MARCHF2: variants seen among roughly 807,000 people sequenced by gnomAD.
MARCHF2 encodes the protein membrane associated ring-CH-type finger 2.
Under a neutral mutation model 24.0 loss-of-function variants are expected in MARCHF2, and 22 were observed. The ratio of observed to expected loss-of-function variants is 0.92; its 90% CI spans 0.66 to 1.31. The LOEUF (loss-of-function observed/expected upper bound fraction) is 1.31, where lower values mean the gene tolerates loss of function less well. Among genes scored for constraint, MARCHF2 ranks in the 50% most tolerant of loss-of-function variants. The probability of loss-of-function intolerance (pLI) is 0.00; values close to 1 mark genes in which losing one functional copy is unlikely to be tolerated. For missense variants in MARCHF2, 301 were observed against 335.3 expected (o/e 0.90, Z 0.80); for synonymous variants, 154 against 153.0 (o/e 1.01, Z -0.05).
Position 8,438,705 on chromosome 19 carries a change from A to T in MARCHF2, c.*159A>T. 4.9e-6 allele frequency: 3 copies of T among 618,078 alleles called. No homozygotes were observed. Among genetic ancestry groups the T allele is most frequent in the Non-Finnish European group, 8.1e-6 (3 of 368,806 alleles). 38.3% of individuals were successfully genotyped at this position (618,078 alleles called of 1,614,324 possible). On this transcript the variant is annotated 3_prime_UTR_variant, in exon 5 of 5. Transcript: ENST00000215555. ...GACACCATGCAGAGCCTAGTCTGTG[A>T]TCCTGTGTGAAGATATTTTCAGGGT... is the stretch of plus-strand genomic sequence containing the variant.
intron 3 of MARCHF2, among the ~76,000 whole-genome samples, chr19:8,428,437 G>C (rs151294303): frequency 6.6e-6 from 1 of 151,104 alleles, no homozygotes; most frequent in Non-Finnish European, 1.5e-5. Context: ...GCAGTGAGCT[G>C]AGACTAAGCC....
intron 4 of MARCHF2, among the ~76,000 whole-genome samples, chr19:8,433,675 C>CAAAAAAAAAAAAAAA (rs143853447): frequency 1.1e-5 from 1 of 90,698 alleles, no homozygotes; most frequent in Non-Finnish European, 2.2e-5. Context: ...GACTCCGTCT[C>CAAAAAAAAAAAAAAA]AAAAAAAAAA....
Position 8,430,986 on chromosome 19 carries a change from C to A in MARCHF2, c.582+119C>A. The A allele has an allele frequency of 2.0e-6, 2 of 1,025,350 alleles. No homozygotes were observed. Among genetic ancestry groups the A allele is most frequent in the Non-Finnish European group, 2.8e-6 (2 of 713,740 alleles). The allele number at this position is 1,025,350 out of a possible 1,614,324, so 63.5% of individuals were successfully genotyped here. A position where few individuals can be genotyped will look rare whatever the true frequency, so the allele number is the denominator to read the frequency against. Reference sequence around the variant, plus strand: ...CTCCCTGGCTGCCTCTGTCTATGGCCGTGGGTGGAAGAGAGCTTCTGAGGT... The same window carrying A: ...CTCCCTGGCTGCCTCTGTCTATGGCAGTGGGTGGAAGAGAGCTTCTGAGGT... On this transcript the variant is annotated intron_variant, in intron 4 of 4. Coordinates refer to ENST00000215555, the MANE Select transcript of MARCHF2 (RefSeq NM_001005415.2). The surrounding 1 kb of genome is among the most constrained non-coding windows in gnomAD (Gnocchi z 4.4).
intron 4 of MARCHF2, among the ~76,000 whole-genome samples, chr19:8,438,104 C>A (rs1967779064): frequency 6.6e-6 from 1 of 152,102 alleles, no homozygotes; most frequent in Non-Finnish European, 1.5e-5. Context: ...GAGGCTGTTT[C>A]ACTCCTTTCC....
At chr19:8,434,102 T>TG (rs1967652162) in intron 4 of MARCHF2, among the ~76,000 whole-genome samples, 1 of 126,922 alleles carries the variant, frequency 7.9e-6, no homozygotes, top group East Asian at 2.2e-4. Flanking sequence ...TTTTTTTTTT[T>TG]GAGACGGGGT....
chr19:8,438,066 T>C (rs1967777977), intron 4 of MARCHF2, among the ~76,000 whole-genome samples: 1 of 152,038 alleles, frequency 6.6e-6, no homozygotes, highest in Non-Finnish European at 1.5e-5. Flanking sequence ...TCGCCCGGCC[T>C]GATTGATTGA....
At chr19:8,438,315 A>C in intron 4 of MARCHF2, 73 bp from the exon 5 acceptor site, 1 of 1,518,142 alleles carries the variant, frequency 6.6e-7, no homozygotes, top group Non-Finnish European at 9.1e-7. Context: ...GGGCCAACGC[A>C]GGTGCCACCA....
rs202077510 is a variant in MARCHF2 at position 8,421,991 on chromosome 19, G to A, written c.151G>A (p.Val51Ile). ...TSRDGRLLST[V>I]IRALDTPSDG... ...AAGGGATGGCCGGCTCCTCTCCACC[G>A]TCATCCGTGCCTTGGACACACCGAG... The change falls in exon 2 of 5, where the codon GTC (valine) becomes ATC (isoleucine). Residue 51 changes from valine (V) to isoleucine (I), a missense_variant. Val to Ile is a conservative substitution (Grantham distance 29). Transcript: ENST00000215555. The A allele has an allele frequency of 3.0e-5, 49 of 1,612,906 alleles. No homozygotes were observed. Among genetic ancestry groups the A allele is most frequent in the African/African-American group, 2.7e-4 (20 of 75,020 alleles).
intron 3 of MARCHF2, chr19:8,427,881 C>G (rs1366629175): frequency 6.6e-6 from 1 of 150,538 alleles, no homozygotes; most frequent in African/African-American, 2.4e-5. Flanking sequence ...TTTGGGAGGC[C>G]AAGATGCATG....
chr19:8,438,293 C>T (rs914624469), intron 4 of MARCHF2, 95 bp from the exon 5 acceptor site: 4 of 1,285,198 alleles, frequency 3.1e-6, no homozygotes, highest in African/African-American at 2.9e-5. Flanking sequence ...GCATGAGCCC[C>T]AGCCATGGTT....
At chr19:8,426,849 C>A in intron 3 of MARCHF2, 45 bp downstream of exon 3, 1 of 1,568,472 alleles carries the variant, frequency 6.4e-7, no homozygotes, top group Non-Finnish European at 8.7e-7. Flanking sequence ...GGGGAGAGGG[C>A]AGACATGGGG....
chr19:8,430,584 GA>G lies in MARCHF2; in HGVS notation c.373-73del. ...AAGGACAGAGGGAGGCCTAGGCCTG[GA>G]GGTCCTTACCCCTCCCCCTCAGTAG... On this transcript the variant is annotated intron_variant, in intron 3 of 4. Coordinates refer to ENST00000215555, the MANE Select transcript of MARCHF2 (RefSeq NM_001005415.2). The surrounding 1 kb of genome is among the most constrained non-coding windows in gnomAD (Gnocchi z 4.4). 1 of 1,207,854 alleles carries G rather than the reference GA, an allele frequency of 8.3e-7. No individual in the cohort carries two copies. The highest frequency in any genetic ancestry group is 1.2e-6 in the Non-Finnish European group (1 of 832,726). 74.8% of individuals were successfully genotyped at this position (1,207,854 alleles called of 1,614,324 possible).
chr19:8,418,154 TA>T (rs2145535446), intron 1 of MARCHF2, among the ~76,000 whole-genome samples: 1 of 152,280 alleles, frequency 6.6e-6, no homozygotes, highest in South Asian at 2.1e-4. Context: ...TGCCTTCCCG[TA>T]AAGAGCCCAG....
In MARCHF2 at chr19:8,421,870, C is replaced by T. The variant is rs1030968900; in HGVS notation, c.30C>T (p.Pro10=). 1.2e-5 allele frequency: 20 copies of T among 1,612,346 alleles called. No homozygotes were observed. The highest frequency in any genetic ancestry group is 3.3e-4 in the Middle Eastern group (2 of 6,050). MTTGDCCHL[P]GSLCDCSGSP... is the part of the protein sequence containing the mutation. ...CGACGGGTGACTGCTGCCACCTCCC[C>T]GGCTCCCTGTGTGACTGCTCCGGCA... The change falls in exon 2 of 5, where the codon CCC becomes CCT. Residue 10 remains proline, a synonymous_variant. Transcript: ENST00000215555.
intron 4 of MARCHF2, among the ~76,000 whole-genome samples, chr19:8,437,809 A>G (rs1967771351): frequency 6.6e-6 from 1 of 150,790 alleles, no homozygotes; most frequent in South Asian, 2.1e-4. Flanking sequence ...CAGTGGCGTG[A>G]TTTCGGCTCA....
chr19:8,413,674 G>A (rs1568232970), intron 1 of MARCHF2: 1 of 152,352 alleles, frequency 6.6e-6, no homozygotes, highest in East Asian at 1.9e-4. Context: ...AACCTGATGG[G>A]GCTTCTGGGA....
rs201087098 is a variant in MARCHF2 at position 8,421,998 on chromosome 19, G to A, written c.158G>A (p.Arg53His). The A allele has an allele frequency of 1.4e-4, 225 of 1,612,530 alleles. No homozygotes were observed. Among genetic ancestry groups the A allele is most frequent in the Non-Finnish European group, 1.8e-4 (207 of 1,179,414 alleles). The change falls in exon 2 of 5, where the codon CGT (arginine) becomes CAT (histidine). Residue 53 changes from arginine (R) to histidine (H), a missense_variant. Arg to His is a conservative substitution (Grantham distance 29). Transcript: ENST00000215555. ...RDGRLLSTVIRALDTPSDGPF... is the reference protein window; with the variant it reads ...RDGRLLSTVIHALDTPSDGPF... ...GGCCGGCTCCTCTCCACCGTCATCCGTGCCTTGGACACACCGAGGTGAGTG... is the reference window on the plus strand; with the variant it reads ...GGCCGGCTCCTCTCCACCGTCATCCATGCCTTGGACACACCGAGGTGAGTG...
At chr19:8,423,941 G>A (rs922343599) in intron 2 of MARCHF2, among the ~76,000 whole-genome samples, 8 of 146,090 alleles carry the variant, frequency 5.5e-5, no homozygotes, top group African/African-American at 2.0e-4. Context: ...GTCCGAGGCT[G>A]CAGTGAGCTG....
At chr19:8,423,369 A>T (rs1967307884) in intron 2 of MARCHF2, 1 of 151,958 alleles carries the variant, frequency 6.6e-6, no homozygotes, top group Non-Finnish European at 1.5e-5. Flanking sequence ...CTCTTCTCTG[A>T]ATTTGCTCTC....
Sources: allele counts gnomAD v4.1 joint callset (sites outside exome capture counted in the v4.1 genomes callset), GRCh38; gene constraint gnomAD v4.1.1; non-coding constraint Gnocchi (gnomAD v3.1); transcripts MANE v1.5; gene names NCBI Gene and HGNC (gene_info 2026-07-23, HGNC 2026-07-21).